The following SPMIP4 variants were observed in gnomAD, a reference collection of about 807,000 sequenced individuals.
SPMIP4 encodes sperm microtubule inner protein 4.
the SPMIP4 span, among the ~76,000 whole-genome samples, chr7:25,132,251 G>A: frequency 1.3e-5 from 2 of 152,084 alleles, no homozygotes; most frequent in African/African-American, 4.8e-5. This position sits in a 1 kb window ranked among gnomAD's most constrained non-coding sequence, Gnocchi z 5.0. Context: ...CTGATTGGTC[G>A]GGTGTGAGCT....
the SPMIP4 span, among the ~76,000 whole-genome samples, chr7:25,133,294 C>T: frequency 6.6e-6 from 1 of 152,180 alleles, no homozygotes; most frequent in Non-Finnish European, 1.5e-5. Flanking sequence ...AACATCCAGT[C>T]TCTAGATGTT....
chr7:25,147,583 G>A, the SPMIP4 span, among the ~76,000 whole-genome samples: 2 of 152,236 alleles, frequency 1.3e-5, no homozygotes, highest in East Asian at 1.9e-4. Context: ...CACATGCAAC[G>A]TGAAAGGAGG....
the SPMIP4 span, among the ~76,000 whole-genome samples, chr7:25,159,456 A>T: frequency 6.6e-6 from 1 of 152,258 alleles, no homozygotes; most frequent in African/African-American, 2.4e-5. Flanking sequence ...ACGGGTAATC[A>T]TCCACCTACA....
At chr7:25,132,035 A>G in the SPMIP4 span, among the ~76,000 whole-genome samples, 4 of 152,152 alleles carry the variant, frequency 2.6e-5, no homozygotes, top group African/African-American at 9.7e-5. The surrounding 1 kb of genome is among the most constrained non-coding windows in gnomAD (Gnocchi z 5.0). Flanking sequence ...GTGCAGTTGC[A>G]AGATTTAATA....
At chr7:25,135,825 C>A in the SPMIP4 span, 1 of 1,375,808 alleles carries the variant, frequency 7.3e-7, no homozygotes, top group Non-Finnish European at 9.4e-7. Flanking sequence ...CAACCAGATA[C>A]TAACTTAAAT....
the SPMIP4 span, among the ~76,000 whole-genome samples, chr7:25,138,004 T>C: frequency 1.3e-5 from 2 of 152,234 alleles, no homozygotes; most frequent in Non-Finnish European, 2.9e-5. The surrounding 1 kb of genome is among the most constrained non-coding windows in gnomAD (Gnocchi z 6.2). Flanking sequence ...ATAAATTCAA[T>C]TTATTATTAT....
the SPMIP4 span, among the ~76,000 whole-genome samples, chr7:25,167,306 T>C: frequency 3.4e-3 from 523 of 152,310 alleles, 13 homozygotes; most frequent in Admixed American, 0.033. Flanking sequence ...ACTTTATAAT[T>C]GTCTGACCCA....
At chr7:25,179,246 G>C in the SPMIP4 span, 1 of 1,613,730 alleles carries the variant, frequency 6.2e-7, no homozygotes, top group South Asian at 1.1e-5. Flanking sequence ...AAAAGGTGTT[G>C]GACAGTATGT....
the SPMIP4 span, among the ~76,000 whole-genome samples, chr7:25,143,583 C>CTT: frequency 3.6e-5 from 4 of 110,686 alleles, no homozygotes; most frequent in East Asian, 2.5e-4. Context: ...AGTAAAGACA[C>CTT]TTTTTTTTTT....
the SPMIP4 span, among the ~76,000 whole-genome samples, chr7:25,163,448 C>T: frequency 6.6e-6 from 1 of 152,184 alleles, no homozygotes; most frequent in East Asian, 1.9e-4. The surrounding 1 kb of genome is among the most constrained non-coding windows in gnomAD (Gnocchi z 4.4). Flanking sequence ...AGAATGCTCA[C>T]CTAGAGAAAC....
chr7:25,174,876 T>A, the SPMIP4 span, among the ~76,000 whole-genome samples: 2 of 152,202 alleles, frequency 1.3e-5, no homozygotes, highest in Non-Finnish European at 2.9e-5. This position sits in a 1 kb window ranked among gnomAD's most constrained non-coding sequence, Gnocchi z 4.5. Context: ...CCTGTTTATA[T>A]ACTTAATATT....
At chr7:25,168,653 G>A in the SPMIP4 span, among the ~76,000 whole-genome samples, 41 of 152,152 alleles carry the variant, frequency 2.7e-4, 1 homozygote, top group South Asian at 6.2e-3. Context: ...CTGAAAGAAT[G>A]AGGTTAAATT....
chr7:25,149,143 G>T, the SPMIP4 span, among the ~76,000 whole-genome samples: 2 of 152,102 alleles, frequency 1.3e-5, no homozygotes, highest in African/African-American at 4.8e-5. Flanking sequence ...AAATCTTTAG[G>T]CCAAACTTAA....
chr7:25,134,342 A>G, the SPMIP4 span, among the ~76,000 whole-genome samples: 1 of 151,618 alleles, frequency 6.6e-6, no homozygotes, highest in East Asian at 1.9e-4. Flanking sequence ...GTAAAAAAAA[A>G]AAAAAAAAAA....
the SPMIP4 span, among the ~76,000 whole-genome samples, chr7:25,167,431 G>A: frequency 6.6e-6 from 1 of 152,226 alleles, no homozygotes; most frequent in Non-Finnish European, 1.5e-5. Context: ...CACACCTGTT[G>A]AGTGAATGAA....
chr7:25,151,349 G>A, the SPMIP4 span, among the ~76,000 whole-genome samples: 1 of 151,592 alleles, frequency 6.6e-6, no homozygotes, highest in Non-Finnish European at 1.5e-5. Flanking sequence ...AGCCTCCCGA[G>A]TAGCTAGGAC....
chr7:25,138,976 T>C, the SPMIP4 span, among the ~76,000 whole-genome samples: 1 of 152,154 alleles, frequency 6.6e-6, no homozygotes, highest in Non-Finnish European at 1.5e-5. This position sits in a 1 kb window ranked among gnomAD's most constrained non-coding sequence, Gnocchi z 6.2. Flanking sequence ...GTGCTATTAA[T>C]AGATACACGC....
the SPMIP4 span, chr7:25,179,063 A>G: frequency 3.2e-6 from 4 of 1,249,568 alleles, no homozygotes; most frequent in South Asian, 3.3e-5. Context: ...ACAAACAAAC[A>G]AACAAGAAAC....
At chr7:25,168,183 G>C in the SPMIP4 span, 2 of 915,222 alleles carry the variant, frequency 2.2e-6, no homozygotes, top group East Asian at 5.4e-5. Flanking sequence ...TAAATAGTAA[G>C]AGAAATAAGT....
Sources: gnomAD v4.1 joint callset for allele counts (sites outside exome capture counted in the v4.1 genomes callset) on GRCh38, gnomAD v4.1.1 for gene constraint, Gnocchi (gnomAD v3.1) non-coding constraint, MANE v1.5 for transcripts, NCBI Gene and HGNC (gene_info 2026-07-23, HGNC 2026-07-21) for gene names.